Variants in TMEM65 observed in about 807,000 individuals in gnomAD.
TMEM65 encodes transmembrane protein 65.
A neutral mutation model predicts 25.4 loss-of-function variants in TMEM65; 22 were observed. The ratio of observed to expected loss-of-function variants is 0.86; its 90% CI spans 0.62 to 1.23. The LOEUF (loss-of-function observed/expected upper bound fraction) is 1.23. Ranked by LOEUF, TMEM65 falls within the 50% of genes most tolerant of loss-of-function variation. TMEM65 has a pLI of 0.00. For synonymous variants in TMEM65, 132 were observed against 126.2 expected (o/e 1.05, Z -0.31); for missense variants, 262 against 308.2 (o/e 0.85, Z 1.12).
chr8:124,372,209 G>C lies in TMEM65; in HGVS notation c.-52C>G. The C allele has an allele frequency of 1.6e-6, 2 of 1,251,410 alleles. No individual in the cohort carries two copies. Among genetic ancestry groups the C allele is most frequent in the Non-Finnish European group, 2.0e-6 (2 of 991,116 alleles). The allele number at this position is 1,251,410 out of a possible 1,614,324, so 77.5% of individuals were successfully genotyped here. A position where few individuals can be genotyped will look rare whatever the true frequency, so the allele number is the denominator to read the frequency against. On this transcript the variant is annotated 5_prime_UTR_variant, in exon 1 of 7. Transcript: ENST00000297632. ...CGGCCGTCCGGCAAGGCGGTTTCTG[G>C]CGCGGCTGAGGCGAGAAGGAGCTGG...
intron 1 of TMEM65, among the ~76,000 whole-genome samples, chr8:124,339,238 TATATATATATAA>T (rs1814556445): frequency 1.2e-5 from 1 of 84,184 alleles, no homozygotes; most frequent in Non-Finnish European, 2.4e-5. Context: ...TATATATATA[TATATATATATAA>T]AATATTCTTG....
chr8:124,355,108 G>T (rs1218133368), intron 1 of TMEM65, among the ~76,000 whole-genome samples: 2 of 152,086 alleles, frequency 1.3e-5, no homozygotes, highest in Non-Finnish European at 2.9e-5. Context: ...GGTAATAATG[G>T]GAAGTAAAAG....
chr8:124,338,208 T>C (rs1274267683), intron 1 of TMEM65, among the ~76,000 whole-genome samples: 3 of 152,042 alleles, frequency 2.0e-5, no homozygotes, highest in Non-Finnish European at 4.4e-5. Context: ...AAGAAAATAA[T>C]TTTATTTGTG....
At chr8:124,318,377 T>G (rs1423179255) in intron 6 of TMEM65, among the ~76,000 whole-genome samples, 84 of 126,056 alleles carry the variant, frequency 6.7e-4, no homozygotes, top group African/African-American at 2.5e-3. Flanking sequence ...TTGTTTTTTT[T>G]TTTTTTTTTT....
chr8:124,315,651 T>C lies in TMEM65; in HGVS notation c.622-1590A>G, dbSNP rs962999256. Among the ~76,000 whole-genome samples the C allele has an allele frequency of 4.0e-5, 6 of 150,958 alleles. No homozygotes were observed. The South Asian group carries it at 6.3e-4, about 16-fold the overall frequency. On this transcript the variant is annotated intron_variant, in intron 6 of 6. Transcript: ENST00000297632. ...CCTACAGTTTTTCTAACAAATTTAATAGTAGACATTAATATTTTGACAATA... is the reference window on the plus strand; with the variant it reads ...CCTACAGTTTTTCTAACAAATTTAACAGTAGACATTAATATTTTGACAATA...
intron 1 of TMEM65, among the ~76,000 whole-genome samples, chr8:124,332,958 A>G (rs1814453588): frequency 6.6e-6 from 1 of 151,932 alleles, no homozygotes; most frequent in African/African-American, 2.4e-5. Flanking sequence ...GGTGTGTGCC[A>G]CCACACCTGG....
At chr8:124,365,857 T>C (rs762573074) in intron 1 of TMEM65, among the ~76,000 whole-genome samples, 1 of 152,224 alleles carries the variant, frequency 6.6e-6, no homozygotes, top group African/African-American at 2.4e-5. Context: ...TTTTGGACTT[T>C]GTACTTTGAC....
At chr8:124,348,729 C>T (rs771934797) in intron 1 of TMEM65, among the ~76,000 whole-genome samples, 2 of 152,070 alleles carry the variant, frequency 1.3e-5, no homozygotes, top group Non-Finnish European at 2.9e-5. Flanking sequence ...AGAGGTTTTT[C>T]GGTGTATGAT....
chr8:124,361,967 T>G (rs1204023870), intron 1 of TMEM65, among the ~76,000 whole-genome samples: 1 of 150,906 alleles, frequency 6.6e-6, no homozygotes, highest in East Asian at 2.0e-4. Flanking sequence ...CTCGGCTCAC[T>G]GCAACCTCTG....
At chr8:124,362,360 GAA>G (rs1040276999) in intron 1 of TMEM65, among the ~76,000 whole-genome samples, 6 of 151,512 alleles carry the variant, frequency 4.0e-5, no homozygotes, top group African/African-American at 1.5e-4. Context: ...GGTGGAAAAA[GAA>G]AGAGAATAGA....
At chr8:124,330,122 G>A (rs962902857) in intron 2 of TMEM65, among the ~76,000 whole-genome samples, 7 of 151,680 alleles carry the variant, frequency 4.6e-5, no homozygotes, top group Admixed American at 3.9e-4. Context: ...AGCAAATCAC[G>A]TTTCATATTT....
intron 1 of TMEM65, among the ~76,000 whole-genome samples, chr8:124,335,234 C>T (rs1293582431): frequency 3.3e-5 from 5 of 151,980 alleles, no homozygotes; most frequent in Non-Finnish European, 7.4e-5. Flanking sequence ...AGAAAATGGG[C>T]GTCAGTCCAG....
intron 1 of TMEM65, among the ~76,000 whole-genome samples, chr8:124,366,166 G>A (rs532828324): frequency 2.1e-4 from 32 of 152,318 alleles, no homozygotes; most frequent in African/African-American, 7.7e-4. Context: ...AGGTTGCAGT[G>A]AGCCAAGATC....
intron 1 of TMEM65, among the ~76,000 whole-genome samples, chr8:124,352,391 T>G (rs1474412022): frequency 1.3e-5 from 2 of 151,866 alleles, no homozygotes; most frequent in African/African-American, 4.8e-5. Context: ...TTTCTGCCTA[T>G]ACAAATTAGT....
intron 1 of TMEM65, among the ~76,000 whole-genome samples, chr8:124,352,743 G>A (rs1243408317): frequency 6.6e-6 from 1 of 152,080 alleles, no homozygotes; most frequent in African/African-American, 2.4e-5. Context: ...ATAGGAGGCA[G>A]GGGAAGCCAC....
chr8:124,370,055 T>C (rs1380981688), intron 1 of TMEM65, among the ~76,000 whole-genome samples: 1 of 152,198 alleles, frequency 6.6e-6, no homozygotes, highest in African/African-American at 2.4e-5. Flanking sequence ...CTAAGTTTAA[T>C]TGATGCTAAT....
At chr8:124,366,746 A>AC (rs1814944547) in intron 1 of TMEM65, among the ~76,000 whole-genome samples, 2 of 151,912 alleles carry the variant, frequency 1.3e-5, no homozygotes, top group African/African-American at 4.8e-5. Flanking sequence ...TTACTTGATT[A>AC]TCTGTCTTCT....
intron 1 of TMEM65, among the ~76,000 whole-genome samples, chr8:124,356,065 ACT>A (rs2131223168): frequency 6.6e-6 from 1 of 151,982 alleles, no homozygotes; most frequent in East Asian, 1.9e-4. Context: ...AGAACATGAA[ACT>A]CTACCTGGAT....
At chr8:124,329,294 A>G (rs1814404049) in intron 2 of TMEM65, among the ~76,000 whole-genome samples, 1 of 152,024 alleles carries the variant, frequency 6.6e-6, no homozygotes. Context: ...CAGAACCAAT[A>G]CACATTACAA....
Sources: allele counts gnomAD v4.1 joint callset (sites outside exome capture counted in the v4.1 genomes callset), GRCh38; gene constraint gnomAD v4.1.1; transcripts MANE v1.5; gene names NCBI Gene and HGNC (gene_info 2026-07-23, HGNC 2026-07-21).